SSBP2: variants seen among roughly 807,000 people sequenced by gnomAD.
SSBP2 encodes the protein single stranded DNA binding protein 2, also known as single-stranded DNA-binding protein 2.
SSBP2 carries 17 observed loss-of-function variants against 61.8 expected under a neutral mutation model. The observed-to-expected ratio is 0.28, with a 90% CI of 0.19 to 0.41. The LOEUF (loss-of-function observed/expected upper bound fraction) is 0.41. Ranked by LOEUF, SSBP2 falls within the 10% of genes least tolerant of loss-of-function variation. The pLI is 1.00. For missense variants in SSBP2, 310 were observed against 458.7 expected, an observed-to-expected ratio of 0.68 and a Z score of 2.96; for synonymous variants, 139 against 141.3, an observed-to-expected ratio of 0.98 and a Z score of 0.12.
At position 81,650,461 on chromosome 5, in the gene SSBP2, C is replaced by T. The variant is rs1193758354; in HGVS notation, c.63-122G>A. 15 of 515,668 alleles carry T rather than the reference C, an allele frequency of 2.9e-5. No individual in the cohort carries two copies. The East Asian group carries it at 4.9e-4, about 17-fold the overall frequency. 31.9% of individuals were successfully genotyped at this position (515,668 alleles called of 1,614,324 possible). A position where few individuals can be genotyped will look rare whatever the true frequency, so the allele number is the denominator to read the frequency against. ...AACAGTGACCAAAAATAAACCCTTC[C>T]CATACTATTTCAATAGGAATTATTA... On this transcript the variant is annotated intron_variant, in intron 1 of 16. Transcript: ENST00000320672.
At chr5:81,697,702 C>T (rs1282860421) in intron 1 of SSBP2, among the ~76,000 whole-genome samples, 1 of 152,094 alleles carries the variant, frequency 6.6e-6, no homozygotes. Flanking sequence ...GCTTTCAGCT[C>T]TGCTATCTAA....
Position 81,747,027 on chromosome 5 carries a change from G to C in SSBP2, c.62+3954C>G, listed in dbSNP as rs139746671. 6.5e-3 allele frequency among the ~76,000 whole-genome samples: 911 copies of C among 141,048 alleles called. 38 individuals are homozygous for C. The highest frequency in any genetic ancestry group is 0.023 in the African/African-American group (878 of 38,778). 92.5% of individuals were successfully genotyped at this position (141,048 alleles called of 152,430 possible). ...AAGCAATCAAACAAAATTCCTGGGG[G>C]GGGGGGGAATCTGAAGAAACAAGTT... On this transcript the variant is annotated intron_variant, in intron 1 of 16. Transcript: ENST00000320672.
chr5:81,428,561 T>C (rs774139146), intron 16 of SSBP2, 24 bp downstream of exon 16: 14 of 1,570,998 alleles, frequency 8.9e-6, no homozygotes, highest in African/African-American at 5.4e-5. Flanking sequence ...AATTTGAGTA[T>C]AATATAGTCA....
At chr5:81,593,482 T>C (rs1396595332) in intron 4 of SSBP2, among the ~76,000 whole-genome samples, 3 of 152,050 alleles carry the variant, frequency 2.0e-5, no homozygotes, top group Admixed American at 6.5e-5. Context: ...ATTCAGGAAA[T>C]ACAGAGAACG....
intron 8 of SSBP2, among the ~76,000 whole-genome samples, chr5:81,471,332 A>G (rs1765230858): frequency 3.3e-5 from 5 of 151,844 alleles, no homozygotes. Context: ...TGATTCTTAA[A>G]TCAGATTCTA....
At chr5:81,489,194 G>A in intron 6 of SSBP2, 56 bp downstream of exon 6, 1 of 1,365,516 alleles carries the variant, frequency 7.3e-7, no homozygotes, top group Non-Finnish European at 1.0e-6. Flanking sequence ...AAATATATGT[G>A]ACATTTTCAA....
chr5:81,499,230 C>T (rs1019714592), intron 5 of SSBP2, among the ~76,000 whole-genome samples: 1 of 152,182 alleles, frequency 6.6e-6, no homozygotes, highest in African/African-American at 2.4e-5. Context: ...AAATAACTCA[C>T]ATAAAATAAC....
chr5:81,456,568 G>A (rs1580731588), intron 10 of SSBP2, among the ~76,000 whole-genome samples: 1 of 150,450 alleles, frequency 6.6e-6, no homozygotes, highest in South Asian at 2.1e-4. Context: ...ATCAGAACTT[G>A]TACAAAGATC....
chr5:81,480,991 T>G (rs1437792432), intron 6 of SSBP2, among the ~76,000 whole-genome samples: 1 of 152,198 alleles, frequency 6.6e-6, no homozygotes, highest in African/African-American at 2.4e-5. Flanking sequence ...GAGAAGTAAC[T>G]CCTTATCTGT....
chr5:81,591,131 C>G (rs1252080155), intron 4 of SSBP2, among the ~76,000 whole-genome samples: 1 of 152,172 alleles, frequency 6.6e-6, no homozygotes, highest in Non-Finnish European at 1.5e-5. Context: ...TGAAGGCAGA[C>G]CACAGATTGA....
chr5:81,610,764 T>C (rs2917544), intron 4 of SSBP2, among the ~76,000 whole-genome samples: 103,377 of 152,108 alleles, frequency 0.68, 37,082 homozygotes, highest in East Asian at 0.93. Flanking sequence ...GAGGCTGAGG[T>C]GGGCAGATCA....
intron 4 of SSBP2, among the ~76,000 whole-genome samples, chr5:81,608,904 T>G (rs191868883): frequency 1.4e-4 from 22 of 152,246 alleles, no homozygotes; most frequent in Non-Finnish European, 2.6e-4. Flanking sequence ...TTTGGAAGTT[T>G]TGATAACTAG....
At chr5:81,431,247 T>C (rs1762265097) in intron 15 of SSBP2, among the ~76,000 whole-genome samples, 1 of 152,040 alleles carries the variant, frequency 6.6e-6, no homozygotes, top group South Asian at 2.1e-4. Context: ...CACAAAAGAG[T>C]ACAAGATTAC....
chr5:81,578,310 A>T (rs1435847523), intron 4 of SSBP2, among the ~76,000 whole-genome samples: 1 of 151,962 alleles, frequency 6.6e-6, no homozygotes, highest in Non-Finnish European at 1.5e-5. Flanking sequence ...TCTATAAAGT[A>T]CCCTCTTCTC....
rs766994399 is a variant in SSBP2, at chr5:81,415,922, A to AAAAAAAAAAAAAAAAAAAGAAAAGG, written c.*4581_*4582insCCTTTTCTTTTTTTTTTTTTTTTTT. The AAAAAAAAAAAAAAAAAAAGAAAAGG allele has an allele frequency of 2.7e-5, 2 of 73,748 alleles. No homozygotes were observed. The highest frequency in any genetic ancestry group is 2.6e-4 in the Admixed American group (2 of 7,768). 4.6% of individuals were successfully genotyped at this position (73,748 alleles called of 1,614,324 possible). A position where few individuals can be genotyped will look rare whatever the true frequency, so the allele number is the denominator to read the frequency against. On this transcript the variant is annotated 3_prime_UTR_variant, in exon 17 of 17. Coordinates refer to ENST00000320672, the MANE Select transcript of SSBP2 (RefSeq NM_012446.5). ...GCAAGATTCTGACTCAAAAAAAAAA[A>AAAAAAAAAAAAAAAAAAAGAAAAGG]AAAAAAAGAGGAAAACCTGATCAAG...
At chr5:81,426,498 T>C (rs1027895761) in intron 16 of SSBP2, among the ~76,000 whole-genome samples, 2 of 152,208 alleles carry the variant, frequency 1.3e-5, no homozygotes, top group African/African-American at 2.4e-5. Flanking sequence ...CAGTCTAGCA[T>C]TGAACCCGCT....
chr5:81,615,451 G>T, intron 4 of SSBP2, 22 bp downstream of exon 4: 2 of 1,576,208 alleles, frequency 1.3e-6, no homozygotes, highest in Non-Finnish European at 1.7e-6. Flanking sequence ...GTGTAACTTT[G>T]TAAAATTATA....
chr5:81,448,435 G>A (rs1052591452), intron 11 of SSBP2, among the ~76,000 whole-genome samples: 15 of 152,176 alleles, frequency 9.9e-5, no homozygotes, highest in African/African-American at 3.6e-4. Context: ...GACGCTATGT[G>A]TGGTGCATAG....
At chr5:81,436,066 T>G (rs1762655433) in intron 15 of SSBP2, among the ~76,000 whole-genome samples, 1 of 151,778 alleles carries the variant, frequency 6.6e-6, no homozygotes, top group South Asian at 2.1e-4. Flanking sequence ...TATGAGCCTT[T>G]AGTCCTAGCT....
Sources: allele counts gnomAD v4.1 joint callset (sites outside exome capture counted in the v4.1 genomes callset), GRCh38; gene constraint gnomAD v4.1.1; transcripts MANE v1.5; gene names NCBI Gene and HGNC (gene_info 2026-07-23, HGNC 2026-07-21).